Variants in VPS13B observed in about 807,000 individuals in gnomAD.
VPS13B encodes vacuolar protein sorting 13 homolog B.
A neutral mutation model predicts 426.4 loss-of-function variants in VPS13B; 285 were observed. That is an observed-to-expected ratio of 0.67 (90% CI 0.61 to 0.74). The LOEUF is 0.74. Among genes scored for constraint, VPS13B ranks in the 30% least tolerant of loss-of-function variants. VPS13B has a pLI of 0.00. For synonymous variants in VPS13B, 1,676 were observed against 1,676.4 expected (o/e 1.00, Z 0.01); for missense variants, 4,537 against 4,782.6 (o/e 0.95, Z 1.51).
At chr8:99,821,046 G>A (rs536500144) in intron 49 of VPS13B, among the ~76,000 whole-genome samples, 3 of 115,328 alleles carry the variant, frequency 2.6e-5, no homozygotes, top group East Asian at 5.6e-4. Flanking sequence ...ATTCCATTGT[G>A]AGTAAAAAAA....
chr8:99,828,928 A>G (rs1400128575), intron 51 of VPS13B, among the ~76,000 whole-genome samples: 1 of 151,914 alleles, frequency 6.6e-6, no homozygotes, highest in South Asian at 2.1e-4. Context: ...ATTGGCCCCC[A>G]CTCTCTTCTG....
At chr8:99,075,276 G>A (rs1023420554) in intron 3 of VPS13B, among the ~76,000 whole-genome samples, 2 of 152,104 alleles carry the variant, frequency 1.3e-5, no homozygotes, top group African/African-American at 2.4e-5. Flanking sequence ...TCATGTAGCC[G>A]GCATCTGCCT....
chr8:99,641,998 T>C lies in VPS13B; in HGVS notation c.5408T>C (p.Ile1803Thr). The change falls in exon 34 of 62, where the codon ATT becomes ACT. Residue 1803 changes from isoleucine to threonine, a missense_variant. Transcript: ENST00000357162. ...GCCCGTCCCTCACGCCAGTCATCAATTGTAAAAAATCTAAATTTTATTCCC... is the reference window on the plus strand; with the variant it reads ...GCCCGTCCCTCACGCCAGTCATCAACTGTAAAAAATCTAAATTTTATTCCC... ...RIARPSRQSS[I>T]VKNLNFIPFD... 6.2e-7 allele frequency: 1 copy of C among 1,614,124 alleles called. No homozygotes were observed. Among genetic ancestry groups the C allele is most frequent in the Non-Finnish European group, 8.5e-7 (1 of 1,180,014 alleles).
intron 39 of VPS13B, among the ~76,000 whole-genome samples, chr8:99,742,514 C>A (rs577106866): frequency 1.2e-4 from 18 of 152,152 alleles, no homozygotes; most frequent in African/African-American, 4.3e-4. Context: ...CTGGCAGAGA[C>A]ACAACCAAAA....
At chr8:99,047,501 G>A (rs74852231) in intron 3 of VPS13B, among the ~76,000 whole-genome samples, 1 of 151,794 alleles carries the variant, frequency 6.6e-6, no homozygotes, top group Non-Finnish European at 1.5e-5. Context: ...TTTATCTTTT[G>A]TATTGTTTTT....
chr8:99,396,806 A>G (rs948680317), intron 21 of VPS13B, among the ~76,000 whole-genome samples: 1 of 152,192 alleles, frequency 6.6e-6, no homozygotes, highest in Non-Finnish European at 1.5e-5. Flanking sequence ...TCACTGATGC[A>G]CAGTTAAGTT....
intron 40 of VPS13B, among the ~76,000 whole-genome samples, chr8:99,775,030 A>G (rs1471855575): frequency 1.3e-5 from 2 of 152,188 alleles, no homozygotes; most frequent in Non-Finnish European, 2.9e-5. Flanking sequence ...TTTCATTTTC[A>G]CCAGCCTGTT....
intron 10 of VPS13B, 65 bp from the exon 11 acceptor site, chr8:99,135,531 G>T (rs936420206): frequency 1.3e-6 from 2 of 1,569,878 alleles, no homozygotes; most frequent in Non-Finnish European, 8.7e-7. Flanking sequence ...TAAAATCAAG[G>T]TTTTATTTTG....
intron 5 of VPS13B, among the ~76,000 whole-genome samples, chr8:99,105,675 AC>A (rs1441794988): frequency 6.6e-6 from 1 of 152,092 alleles, no homozygotes; most frequent in East Asian, 1.9e-4. Flanking sequence ...CACTGTGCCC[AC>A]CCAGAAATTT....
At chr8:99,134,263 C>T (rs555828629) in intron 8 of VPS13B, among the ~76,000 whole-genome samples, 2 of 152,194 alleles carry the variant, frequency 1.3e-5, no homozygotes, top group Admixed American at 1.3e-4. Flanking sequence ...ACTGAAACTA[C>T]ACGTTGTTGA....
chr8:99,423,290 T>C (rs1348163263), intron 21 of VPS13B, among the ~76,000 whole-genome samples: 2 of 151,956 alleles, frequency 1.3e-5, no homozygotes, highest in Admixed American at 6.6e-5. Context: ...ACAGTCTCAC[T>C]CTGTTGCCCA....
At position 99,502,894 on chromosome 8, in the gene VPS13B, A is replaced by T. The variant is rs1159683768; in HGVS notation, c.4101A>T (p.Val1367=). ...DLSASIDVQD[V]YTKVKCKIES... The stretch of plus-strand genomic sequence containing the variant: ...GTGCTTCCATAGATGTCCAGGATGT[A>T]TATACCAAAGTGAAATGTAAAATAG... The change falls in exon 27 of 62, where the codon GTA becomes GTT. Residue 1367 remains valine, a synonymous_variant. Transcript: ENST00000357162. The T allele has an allele frequency of 6.2e-7, 1 of 1,613,442 alleles. No homozygotes were observed. Among genetic ancestry groups the T allele is most frequent in the Non-Finnish European group, 8.5e-7 (1 of 1,179,682 alleles).
rs1196628573 is a variant in VPS13B, at chr8:99,573,267, G to C, written c.4950-2391G>C. Among the ~76,000 whole-genome samples, 3 of 152,146 alleles carry C rather than the reference G, an allele frequency of 2.0e-5. No individual in the cohort carries two copies. The East Asian group carries it at 5.8e-4, about 29-fold the overall frequency. The stretch of plus-strand genomic sequence containing the variant: ...TGTAGGTTGCCTGTTCACTCTGATA[G>C]TAGTTTCTTTTGCAGTGCAGAAGCT... On this transcript the variant is annotated intron_variant, in intron 31 of 61. Coordinates refer to ENST00000357162, the MANE Select transcript of VPS13B (RefSeq NM_152564.5).
At chr8:99,597,760 T>C (rs935941762) in intron 33 of VPS13B, among the ~76,000 whole-genome samples, 5 of 151,950 alleles carry the variant, frequency 3.3e-5, no homozygotes, top group African/African-American at 4.8e-5. Flanking sequence ...GTGAGCAAAA[T>C]AAACCTAAAC....
At chr8:99,521,108 A>C in intron 30 of VPS13B, 98 bp downstream of exon 30, 1 of 1,001,220 alleles carries the variant, frequency 1.0e-6, no homozygotes, top group Non-Finnish European at 1.5e-6. Flanking sequence ...AATATTTCTC[A>C]TTCAGGATCT....
rs867121340 is a variant in VPS13B at position 99,520,051 on chromosome 8, T to G, written c.4634-848T>G. ...ATTCACTGTTGAGTTGTGGAAAAAG[T>G]GCTGAACTTCAGCCCTAAATGAGAG... On this transcript the variant is annotated intron_variant, in intron 29 of 61. Transcript: ENST00000357162. Among the ~76,000 whole-genome samples, 94 of 152,322 alleles carry G rather than the reference T, an allele frequency of 6.2e-4. 1 individual carries two copies. Among genetic ancestry groups the G allele is most frequent in the African/African-American group, 2.2e-3 (91 of 41,586 alleles).
rs1817671920 is a variant in VPS13B at position 99,875,792 on chromosome 8, C to A, written c.*126C>A. ...GTTCAAGCAATCCTCCCACCTCAAC[C>A]CACAAGTAGCTACGACTGCAAGCAC... On this transcript the variant is annotated 3_prime_UTR_variant, in exon 62 of 62. Transcript: ENST00000357162. The A allele has an allele frequency of 7.9e-7, 1 of 1,264,782 alleles. No homozygotes were observed. 78.3% of individuals were successfully genotyped at this position (1,264,782 alleles called of 1,614,324 possible).
At chr8:99,767,493 CAAAAAAAAAAAA>C (rs869220303) in intron 40 of VPS13B, among the ~76,000 whole-genome samples, 7 of 33,334 alleles carry the variant, frequency 2.1e-4, no homozygotes, top group East Asian at 1.1e-3. Context: ...GCAACTCTCT[CAAAAAAAAAAAA>C]AAAAAAAAAA....
intron 3 of VPS13B, among the ~76,000 whole-genome samples, chr8:99,058,312 A>T (rs969531921): frequency 6.6e-6 from 1 of 151,696 alleles, no homozygotes; most frequent in Non-Finnish European, 1.5e-5. Context: ...TTTTTGTTTT[A>T]GAAAATATAG....
Sources: gnomAD v4.1 joint callset for allele counts (sites outside exome capture counted in the v4.1 genomes callset) on GRCh38, gnomAD v4.1.1 for gene constraint, MANE v1.5 for transcripts, NCBI Gene and HGNC (gene_info 2026-07-23, HGNC 2026-07-21) for gene names.